The following RBFOX1 variants were observed in gnomAD, a reference collection of about 807,000 sequenced individuals.
The protein encoded by RBFOX1 is RNA binding protein fox-1 homolog 1.
In RBFOX1, 8 loss-of-function variants were observed where a neutral mutation model predicts 57.7. That is an observed-to-expected ratio of 0.14 (90% CI 0.08 to 0.25). The LOEUF (loss-of-function observed/expected upper bound fraction) is 0.25. RBFOX1 is among the 10% of genes least tolerant of loss of function. RBFOX1 has a pLI of 1.00. For synonymous variants in RBFOX1, 326 were observed against 222.4 expected (o/e 1.47, Z -4.15); for missense variants, 611 against 548.5 (o/e 1.11, Z -1.14).
intron 1 of RBFOX1, among the ~76,000 whole-genome samples, chr16:5,341,317 C>G (rs2065026232): frequency 6.6e-6 from 1 of 152,188 alleles, no homozygotes; most frequent in African/African-American, 2.4e-5. Context: ...TTGAGTAATA[C>G]TGGATCCTGT....
chr16:7,541,640 CAA>C (rs2082967821), intron 5 of RBFOX1, among the ~76,000 whole-genome samples: 1 of 151,660 alleles, frequency 6.6e-6, no homozygotes, highest in African/African-American at 2.4e-5. Context: ...TTTCTGAAAT[CAA>C]AATTTTGTTA....
intron 3 of RBFOX1, among the ~76,000 whole-genome samples, chr16:5,810,472 G>C (rs554196002): frequency 6.6e-6 from 1 of 152,294 alleles, no homozygotes; most frequent in South Asian, 2.1e-4. Context: ...CACCCAGCCT[G>C]GTGCTTTGTA....
At position 7,000,591 on chromosome 16, in the gene RBFOX1, TCTTTC is replaced by T. The variant is rs1177637647; in HGVS notation, c.-15-51465_-15-51461del. 4.5e-3 allele frequency among the ~76,000 whole-genome samples: 404 copies of T among 89,620 alleles called. 5 individuals are homozygous for T. Among genetic ancestry groups the T allele is most frequent in the African/African-American group, 0.015 (386 of 25,840 alleles). 58.8% of individuals were successfully genotyped at this position (89,620 alleles called of 152,430 possible). A position where few individuals can be genotyped will look rare whatever the true frequency, so the allele number is the denominator to read the frequency against. On this transcript the variant is annotated intron_variant, in intron 3 of 15. Coordinates refer to ENST00000550418, the MANE Select transcript of RBFOX1 (RefSeq NM_018723.4). ...TTTCTTTTCTTTTTTTCTTTCTTTTTCTTTCTTTTTTTTTTTTTTTTTTTTTGAGA... is the reference window on the plus strand; with the variant it reads ...TTTCTTTTCTTTTTTTCTTTCTTTTTTTTTTTTTTTTTTTTTTTTTTGAGA...
chr16:7,416,262 C>G (rs1238699029), intron 4 of RBFOX1, among the ~76,000 whole-genome samples: 1 of 152,216 alleles, frequency 6.6e-6, no homozygotes, highest in Non-Finnish European at 1.5e-5. Context: ...CTCTCCCTTT[C>G]TGTGTCTCTC....
At chr16:6,831,037 C>G (rs563250783) in intron 3 of RBFOX1, among the ~76,000 whole-genome samples, 1 of 152,322 alleles carries the variant, frequency 6.6e-6, no homozygotes, top group South Asian at 2.1e-4. Context: ...CCCAATTGAT[C>G]TCACTCTTTT....
intron 1 of RBFOX1, among the ~76,000 whole-genome samples, chr16:6,030,139 G>T (rs1003867776): frequency 6.6e-6 from 1 of 152,132 alleles, no homozygotes; most frequent in Non-Finnish European, 1.5e-5. Flanking sequence ...TGTTGCCCAG[G>T]CTGGTCTTGA....
At chr16:5,649,684 C>G (rs2049169238) in intron 3 of RBFOX1, among the ~76,000 whole-genome samples, 1 of 152,152 alleles carries the variant, frequency 6.6e-6, no homozygotes, top group African/African-American at 2.4e-5. Flanking sequence ...TTACAATTAG[C>G]AATATCCACG....
intron 1 of RBFOX1, among the ~76,000 whole-genome samples, chr16:5,279,988 T>C (rs2063233661): frequency 6.6e-6 from 1 of 152,212 alleles, no homozygotes; most frequent in Admixed American, 6.5e-5. Context: ...ATAGGAGTGG[T>C]GAAAGTGGGT....
chr16:5,251,330 G>A (rs1400267509), intron 1 of RBFOX1, among the ~76,000 whole-genome samples: 1 of 152,290 alleles, frequency 6.6e-6, no homozygotes, highest in African/African-American at 2.4e-5. Context: ...TGAGGGTTCA[G>A]TGAGATCACT....
intron 2 of RBFOX1, among the ~76,000 whole-genome samples, chr16:6,318,285 C>T (rs8050284): frequency 6.6e-4 from 101 of 152,310 alleles, no homozygotes; most frequent in African/African-American, 2.3e-3. Flanking sequence ...TAATTCCCTA[C>T]GTGCCACATC....
chr16:5,708,189 C>G (rs986251750), intron 3 of RBFOX1, among the ~76,000 whole-genome samples: 4 of 152,160 alleles, frequency 2.6e-5, no homozygotes, highest in Admixed American at 6.5e-5. Flanking sequence ...ATCTCATGAA[C>G]TTGAACTTGT....
intron 3 of RBFOX1, among the ~76,000 whole-genome samples, chr16:6,779,891 A>T (rs1186404377): frequency 3.5e-5 from 1 of 28,456 alleles, no homozygotes; most frequent in Non-Finnish European, 5.5e-5. Context: ...ATATATATTT[A>T]TATATATTTA....
At chr16:6,511,640 A>T (rs2096257010) in intron 2 of RBFOX1, among the ~76,000 whole-genome samples, 1 of 152,182 alleles carries the variant, frequency 6.6e-6, no homozygotes, top group African/African-American at 2.4e-5. Flanking sequence ...AGGGAGCTTT[A>T]ATATTTACTA....
At chr16:5,522,399 C>G (rs998731306) in intron 2 of RBFOX1, among the ~76,000 whole-genome samples, 2 of 152,118 alleles carry the variant, frequency 1.3e-5, no homozygotes, top group Non-Finnish European at 2.9e-5. Flanking sequence ...GTTTAGGAAG[C>G]CACATTTTTT....
intron 3 of RBFOX1, among the ~76,000 whole-genome samples, chr16:5,713,385 C>G (rs2051567139): frequency 6.6e-6 from 1 of 152,082 alleles, no homozygotes; most frequent in Non-Finnish European, 1.5e-5. Flanking sequence ...GCTCTTCTTG[C>G]CATTTGAACC....
chr16:6,971,040 C>T (rs569530313), intron 3 of RBFOX1, among the ~76,000 whole-genome samples: 1 of 152,194 alleles, frequency 6.6e-6, no homozygotes, highest in Non-Finnish European at 1.5e-5. Flanking sequence ...ACCATACTAT[C>T]TAATCTGTCC....
chr16:7,643,341 T>C (rs540943621), intron 11 of RBFOX1, among the ~76,000 whole-genome samples: 3 of 152,328 alleles, frequency 2.0e-5, no homozygotes, highest in African/African-American at 7.2e-5. Flanking sequence ...ACTATTTTTA[T>C]TTCCACAAAA....
At chr16:7,278,250 C>T (rs143898332) in intron 4 of RBFOX1, among the ~76,000 whole-genome samples, 3 of 152,246 alleles carry the variant, frequency 2.0e-5, no homozygotes, top group East Asian at 1.9e-4. Flanking sequence ...TTCACAAACC[C>T]CTTGATTGAA....
At chr16:5,845,325 C>T (rs1359756829) in intron 3 of RBFOX1, among the ~76,000 whole-genome samples, 2 of 152,194 alleles carry the variant, frequency 1.3e-5, no homozygotes, top group African/African-American at 4.8e-5. Flanking sequence ...AATTACCCAG[C>T]ACTGGGAATA....
Sources: gnomAD v4.1 joint callset for allele counts (sites outside exome capture counted in the v4.1 genomes callset) on GRCh38, gnomAD v4.1.1 for gene constraint, MANE v1.5 for transcripts, NCBI Gene and HGNC (gene_info 2026-07-23, HGNC 2026-07-21) for gene names.